PKIB: variants seen among roughly 807,000 people sequenced by gnomAD.
PKIB encodes the protein cAMP-dependent protein kinase inhibitor beta, also known as PKI-beta.
PKIB carries 2 observed loss-of-function variants against 4.5 expected under a neutral mutation model. The ratio of observed to expected loss-of-function variants is 0.44; its 90% CI spans 0.18 to 1.39. The LOEUF is 1.39. Among genes scored for constraint, PKIB ranks in the 40% most tolerant of loss-of-function variants. The probability of loss-of-function intolerance (pLI) is 0.27; values close to 1 mark genes in which losing one functional copy is unlikely to be tolerated. For synonymous variants in PKIB, 38 were observed against 36.0 expected (o/e 1.06, Z -0.20); for missense variants, 94 against 92.6 (o/e 1.02, Z -0.06).
intron 2 of PKIB, among the ~76,000 whole-genome samples, chr6:122,584,273 T>G (rs1255770082): frequency 6.6e-6 from 1 of 152,146 alleles, no homozygotes; most frequent in Non-Finnish European, 1.5e-5. Flanking sequence ...AAATAAGGAT[T>G]ATTTTTTTCT....
chr6:122,699,045 A>C (rs879914853), intron 3 of PKIB, among the ~76,000 whole-genome samples: 4 of 152,124 alleles, frequency 2.6e-5, no homozygotes, highest in Non-Finnish European at 5.9e-5. Context: ...GGATGTCATC[A>C]ATGTAATATA....
intron 2 of PKIB, among the ~76,000 whole-genome samples, chr6:122,545,225 A>G (rs1178001955): frequency 6.6e-6 from 1 of 152,098 alleles, no homozygotes; most frequent in East Asian, 1.9e-4. Context: ...TAGCAAAGAT[A>G]CGGAATCAAC....
intron 2 of PKIB, among the ~76,000 whole-genome samples, chr6:122,560,352 A>T (rs1772978087): frequency 6.6e-6 from 1 of 151,864 alleles, no homozygotes; most frequent in Admixed American, 6.6e-5. Flanking sequence ...ACACTTATTG[A>T]CTTGCATATG....
chr6:122,714,474 C>T (rs1779399296), intron 3 of PKIB, among the ~76,000 whole-genome samples: 1 of 152,050 alleles, frequency 6.6e-6, no homozygotes, highest in Non-Finnish European at 1.5e-5. Context: ...CATCGATCTA[C>T]AAAAAGGACT....
At chr6:122,599,218 G>A (rs867996502) in intron 3 of PKIB, among the ~76,000 whole-genome samples, 6 of 152,280 alleles carry the variant, frequency 3.9e-5, no homozygotes, top group Middle Eastern at 3.4e-3. Context: ...AAAGGCTGAT[G>A]GCAGCATGGG....
At chr6:122,576,593 G>A (rs187204990) in intron 2 of PKIB, among the ~76,000 whole-genome samples, 11 of 147,100 alleles carry the variant, frequency 7.5e-5, no homozygotes, top group South Asian at 2.2e-4. Context: ...GCGTGAACCC[G>A]GGAGGAGGTG....
chr6:122,504,438 T>G (rs1026821582), intron 2 of PKIB, among the ~76,000 whole-genome samples: 93 of 152,342 alleles, frequency 6.1e-4, no homozygotes, highest in Non-Finnish European at 2.6e-4. Context: ...CAAATGGTAC[T>G]TATACCATTA....
chr6:122,522,915 G>T (rs1432664643), intron 2 of PKIB, among the ~76,000 whole-genome samples: 1 of 152,178 alleles, frequency 6.6e-6, no homozygotes, highest in Non-Finnish European at 1.5e-5. Flanking sequence ...TGAGGACAGA[G>T]AACTTCATTA....
intron 2 of PKIB, among the ~76,000 whole-genome samples, chr6:122,572,362 T>A (rs1382969007): frequency 6.6e-6 from 1 of 152,064 alleles, no homozygotes; most frequent in Non-Finnish European, 1.5e-5. Context: ...AATTAAATAA[T>A]CTGCATTTGA....
At chr6:122,715,045 A>G (rs1300601737) in intron 3 of PKIB, among the ~76,000 whole-genome samples, 1 of 151,912 alleles carries the variant, frequency 6.6e-6, no homozygotes, top group Non-Finnish European at 1.5e-5. Flanking sequence ...TTGGCCTCCC[A>G]AAGTGCTGGG....
At chr6:122,523,986 C>A (rs1349106449) in intron 2 of PKIB, among the ~76,000 whole-genome samples, 3 of 152,170 alleles carry the variant, frequency 2.0e-5, no homozygotes, top group African/African-American at 4.8e-5. Context: ...TTGACCAGTA[C>A]AGTGGTGTAT....
intron 2 of PKIB, among the ~76,000 whole-genome samples, chr6:122,514,254 G>T (rs1319968062): frequency 6.6e-6 from 1 of 152,162 alleles, no homozygotes; most frequent in Admixed American, 6.5e-5. Context: ...TTCTCAGTAT[G>T]CTTTCCTTTT....
At chr6:122,613,421 G>A (rs1774846067) in intron 1 of PKIB, among the ~76,000 whole-genome samples, 1 of 151,938 alleles carries the variant, frequency 6.6e-6, no homozygotes, top group African/African-American at 2.4e-5. Flanking sequence ...GGGATCTAAG[G>A]CCCAAGAGTA....
At chr6:122,682,296 C>A (rs1335203617) in intron 3 of PKIB, among the ~76,000 whole-genome samples, 1 of 152,070 alleles carries the variant, frequency 6.6e-6, no homozygotes, top group Non-Finnish European at 1.5e-5. Flanking sequence ...ATTTATGATA[C>A]AATTGAATGT....
intron 3 of PKIB, among the ~76,000 whole-genome samples, chr6:122,711,485 C>A (rs577410621): frequency 5.9e-5 from 9 of 152,154 alleles, no homozygotes; most frequent in Non-Finnish European, 1.0e-4. Context: ...TTTATTAGTC[C>A]TTTTGGGAAT....
intron 1 of PKIB, among the ~76,000 whole-genome samples, chr6:122,614,657 C>A (rs1774910362): frequency 6.6e-6 from 1 of 152,104 alleles, no homozygotes; most frequent in Non-Finnish European, 1.5e-5. Context: ...GTAGTCTTCT[C>A]AAGCATGCTT....
intron 3 of PKIB, among the ~76,000 whole-genome samples, chr6:122,697,181 C>T (rs1224160596): frequency 6.6e-6 from 1 of 152,042 alleles, no homozygotes; most frequent in African/African-American, 2.4e-5. Context: ...TTTGATTTGG[C>T]AGGCAAACAG....
At chr6:122,633,840 T>C (rs1775793161) in intron 2 of PKIB, among the ~76,000 whole-genome samples, 2 of 152,218 alleles carry the variant, frequency 1.3e-5, no homozygotes, top group Non-Finnish European at 1.5e-5. Context: ...TTAAATATTC[T>C]TGATGACACT....
At chr6:122,578,846 G>C (rs1348913437) in intron 2 of PKIB, among the ~76,000 whole-genome samples, 4 of 152,158 alleles carry the variant, frequency 2.6e-5, no homozygotes. Context: ...CCCTCATGCT[G>C]TTGTTCTCAT....
Sources: gnomAD v4.1 joint callset for allele counts (sites outside exome capture counted in the v4.1 genomes callset) on GRCh38, gnomAD v4.1.1 for gene constraint, MANE v1.5 for transcripts, NCBI Gene and HGNC (gene_info 2026-07-23, HGNC 2026-07-21) for gene names.